Variants in NPHP4 observed in about 807,000 individuals in gnomAD.
NPHP4 encodes nephrocystin-4.
In NPHP4, 151 loss-of-function variants were observed where a neutral mutation model predicts 155.8. The observed-to-expected ratio is 0.97, with a 90% confidence interval of 0.85 to 1.11. The LOEUF (loss-of-function observed/expected upper bound fraction) is 1.11. Among genes scored for constraint, NPHP4 ranks in the 50% least tolerant of loss-of-function variants. The pLI is 0.00. For missense variants in NPHP4, 1,956 were observed against 1,925.7 expected (o/e 1.02, Z -0.29); for synonymous variants, 845 against 816.8 (o/e 1.03, Z -0.59).
intron 11 of NPHP4, among the ~76,000 whole-genome samples, chr1:5,920,019 G>A (rs1426899737): frequency 6.6e-6 from 1 of 152,120 alleles, no homozygotes; most frequent in Non-Finnish European, 1.5e-5. Flanking sequence ...TGCAACCTCT[G>A]ACTCCCAGGT....
intron 9 of NPHP4, among the ~76,000 whole-genome samples, chr1:5,943,036 G>A (rs1557792733): frequency 6.6e-6 from 1 of 152,188 alleles, no homozygotes; most frequent in Non-Finnish European, 1.5e-5. Context: ...GCCCACACTT[G>A]CATGCATAAG....
chr1:5,973,212 C>G (rs1652910601), intron 3 of NPHP4, among the ~76,000 whole-genome samples: 1 of 152,220 alleles, frequency 6.6e-6, no homozygotes, highest in South Asian at 2.1e-4. Context: ...ATCCCTCACC[C>G]TCTAGGATCA....
chr1:5,913,151 CAAA>C (rs34163161), intron 11 of NPHP4, among the ~76,000 whole-genome samples: 13 of 81,806 alleles, frequency 1.6e-4, no homozygotes, highest in African/African-American at 3.8e-4. Context: ...GACTCCATCT[CAAA>C]AAAAAAAAAA....
rs1423875420 is a variant in NPHP4 at position 5,867,129 on chromosome 1, A to G, written c.3473-14T>C. The G allele has an allele frequency of 1.2e-6, 2 of 1,600,732 alleles. No homozygotes were observed. Among genetic ancestry groups the G allele is most frequent in the Non-Finnish European group, 1.7e-6 (2 of 1,172,026 alleles). ...CCACCGGAGCACCTGGAGCAGGGGA[A>G]ATGTCAAAAAGAGTCTTCTCCACAG... On this transcript the variant is annotated splice_polypyrimidine_tract_variant and intron_variant, in intron 24 of 29. Coordinates refer to ENST00000378156, the MANE Select transcript of NPHP4 (RefSeq NM_015102.5). The surrounding 1 kb of genome is among the most constrained non-coding windows in gnomAD (Gnocchi z 4.1).
chr1:5,873,546 A>T (rs1027392440), intron 22 of NPHP4: 8 of 594,958 alleles, frequency 1.3e-5, no homozygotes, highest in Non-Finnish European at 1.5e-5. Context: ...CCAGGTGGAA[A>T]CCCGGCTCTG....
intron 25 of NPHP4, 73 bp downstream of exon 25, chr1:5,866,957 C>T (rs768829732): frequency 5.1e-5 from 58 of 1,141,988 alleles, no homozygotes; most frequent in South Asian, 2.1e-4. Context: ...CCCAGGATAC[C>T]CGTGGGGAAG....
rs1036557189 is a variant in NPHP4 at position 5,969,078 on chromosome 1, G to C, written c.452+9C>G. On this transcript the variant is annotated intron_variant, in intron 4 of 29. Coordinates refer to ENST00000378156, the MANE Select transcript of NPHP4 (RefSeq NM_015102.5). ...GAAAACCCCAGGGTTGTAGAAACAA[G>C]GCAGGTACCTTTTGTCCTGGGAAGC... 1.3e-6 allele frequency: 2 copies of C among 1,539,920 alleles called. No individual in the cohort carries two copies. Among genetic ancestry groups the C allele is most frequent in the Middle Eastern group, 1.7e-4 (1 of 5,934 alleles).
chr1:5,869,274 T>G (rs1392198438), intron 23 of NPHP4, among the ~76,000 whole-genome samples: 2 of 136,694 alleles, frequency 1.5e-5, no homozygotes, highest in Non-Finnish European at 3.2e-5. Context: ...CATGCATGCA[T>G]GCATCCATAC....
At chr1:5,930,030 T>C (rs1421587653) in intron 10 of NPHP4, among the ~76,000 whole-genome samples, 4 of 152,188 alleles carry the variant, frequency 2.6e-5, no homozygotes, top group Admixed American at 6.5e-5. Context: ...GTTTTGGCAA[T>C]GTGGAGTTTC....
At chr1:5,965,938 C>T (rs1383883445) in intron 5 of NPHP4, among the ~76,000 whole-genome samples, 1 of 152,178 alleles carries the variant, frequency 6.6e-6, no homozygotes, top group East Asian at 1.9e-4. Context: ...TGGGACTCAG[C>T]TGCGCACGTG....
chr1:5,885,987 C>T (rs775185311), intron 18 of NPHP4, among the ~76,000 whole-genome samples: 1 of 152,206 alleles, frequency 6.6e-6, no homozygotes, highest in Non-Finnish European at 1.5e-5. Flanking sequence ...ATGAGCTTAT[C>T]TCTCTCTTGC....
intron 9 of NPHP4, among the ~76,000 whole-genome samples, chr1:5,938,187 G>A (rs532942320): frequency 1.8e-4 from 27 of 152,212 alleles, no homozygotes; most frequent in African/African-American, 3.4e-4. Context: ...CTCAGGGCAC[G>A]GGCTGAGGGC....
At chr1:5,896,896 G>A (rs554536511) in intron 16 of NPHP4, among the ~76,000 whole-genome samples, 9 of 152,218 alleles carry the variant, frequency 5.9e-5, no homozygotes, top group East Asian at 5.8e-4. Context: ...AAGGGCTCCC[G>A]GAATAATAAT....
chr1:5,918,558 C>G (rs913329296), intron 11 of NPHP4, among the ~76,000 whole-genome samples: 3 of 151,946 alleles, frequency 2.0e-5, no homozygotes, highest in African/African-American at 7.2e-5. Flanking sequence ...AACAAGAGAA[C>G]CAGTAAGTAA....
chr1:5,926,493 C>T (rs1438098873), intron 11 of NPHP4, among the ~76,000 whole-genome samples: 1 of 152,136 alleles, frequency 6.6e-6, no homozygotes, highest in Non-Finnish European at 1.5e-5. Flanking sequence ...CTGCACTGAA[C>T]ACGTACAGAC....
chr1:5,935,694 G>A (rs1557774343), intron 9 of NPHP4, among the ~76,000 whole-genome samples: 1 of 152,184 alleles, frequency 6.6e-6, no homozygotes, highest in Non-Finnish European at 1.5e-5. Context: ...GGCTGACATG[G>A]TGAAACCCCA....
At chr1:5,989,757 C>T (rs149405418) in intron 1 of NPHP4, among the ~76,000 whole-genome samples, 49 of 152,348 alleles carry the variant, frequency 3.2e-4, no homozygotes, top group Non-Finnish European at 4.4e-4. Flanking sequence ...ATTTCTGACC[C>T]GGTGCCTCCT....
intron 2 of NPHP4, among the ~76,000 whole-genome samples, chr1:5,981,807 C>T (rs564686809): frequency 6.6e-6 from 1 of 152,274 alleles, no homozygotes; most frequent in Admixed American, 6.5e-5. Context: ...CCTAATACCC[C>T]ATCTTTTATA....
intron 27 of NPHP4, 138 bp from the exon 28 acceptor site, chr1:5,864,655 A>C: frequency 1.4e-6 from 1 of 718,612 alleles, no homozygotes; most frequent in Non-Finnish European, 2.2e-6. Flanking sequence ...CTGAGGCCAC[A>C]ACCAACCCTG....
Sources: gnomAD v4.1 joint callset for allele counts (sites outside exome capture counted in the v4.1 genomes callset) on GRCh38, gnomAD v4.1.1 for gene constraint, Gnocchi (gnomAD v3.1) non-coding constraint, MANE v1.5 for transcripts, NCBI Gene and HGNC (gene_info 2026-07-23, HGNC 2026-07-21) for gene names.